The following USP3 variants were observed in gnomAD, a reference collection of about 807,000 sequenced individuals.
USP3 encodes ubiquitin specific peptidase 3, also known as ubiquitin carboxyl-terminal hydrolase 3.
Under a neutral mutation model 72.3 loss-of-function variants are expected in USP3, and 20 were observed. That is an observed-to-expected ratio of 0.28 (90% CI 0.19 to 0.40). USP3 has a LOEUF of 0.40. Among genes scored for constraint, USP3 ranks in the 10% least tolerant of loss-of-function variants. USP3 has a pLI of 1.00. For synonymous variants in USP3, 222 were observed against 225.3 expected, an observed-to-expected ratio of 0.99 and a Z score of 0.13; for missense variants, 479 against 633.9, an observed-to-expected ratio of 0.76 and a Z score of 2.62.
intron 3 of USP3, among the ~76,000 whole-genome samples, chr15:63,547,710 A>G: frequency 7.4e-6 from 1 of 134,750 alleles, no homozygotes; most frequent in African/African-American, 2.8e-5. Context: ...GCAGAGCAAG[A>G]CCCTGTCTCA....
intron 7 of USP3, among the ~76,000 whole-genome samples, chr15:63,561,858 A>G (rs575275799): frequency 6.6e-6 from 1 of 152,364 alleles, no homozygotes; most frequent in East Asian, 1.9e-4. Context: ...TGAGATACCA[A>G]TCAAGTATCC....
chr15:63,585,800 A>ATTTT (rs58350832), intron 11 of USP3, among the ~76,000 whole-genome samples: 20 of 135,702 alleles, frequency 1.5e-4, no homozygotes, highest in Admixed American at 1.0e-3. Flanking sequence ...TGTGTCTAGA[A>ATTTT]TTTTTTTTTT....
chr15:63,565,765 C>A (rs1365680983), intron 8 of USP3, among the ~76,000 whole-genome samples: 1 of 152,138 alleles, frequency 6.6e-6, no homozygotes, highest in Non-Finnish European at 1.5e-5. Flanking sequence ...TAATTTGTGT[C>A]CAAGTCCCCT....
chr15:63,525,389 C>G (rs570824394), intron 1 of USP3, among the ~76,000 whole-genome samples: 1 of 152,178 alleles, frequency 6.6e-6, no homozygotes, highest in African/African-American at 2.4e-5. Flanking sequence ...TTTATGAGAA[C>G]TCTCCTGTTG....
chr15:63,592,396 C>G lies in USP3; in HGVS notation c.*1570C>G, dbSNP rs886520523. On this transcript the variant is annotated 3_prime_UTR_variant, in exon 15 of 15. Transcript: ENST00000380324. ...GGTTGGTAGACATAGCCTACCAATT[C>G]TCCACAAGGGACAAAATGTATCTTG... is the stretch of plus-strand genomic sequence containing the variant. 2 of 146,020 alleles carry G rather than the reference C, an allele frequency of 1.4e-5. No individual in the cohort carries two copies. The highest frequency in any genetic ancestry group is 5.1e-5 in the African/African-American group (2 of 39,482). The allele number at this position is 146,020 out of a possible 1,614,324, so 9.0% of individuals were successfully genotyped here. A position where few individuals can be genotyped will look rare whatever the true frequency, so the allele number is the denominator to read the frequency against.
At chr15:63,540,674 C>T (rs1167421707) in intron 3 of USP3, among the ~76,000 whole-genome samples, 1 of 152,056 alleles carries the variant, frequency 6.6e-6, no homozygotes, top group Non-Finnish European at 1.5e-5. Context: ...TAAACAGGAG[C>T]CCAGAGAGGA....
At chr15:63,530,284 T>TC in intron 1 of USP3, among the ~76,000 whole-genome samples, 1 of 113,454 alleles carries the variant, frequency 8.8e-6, no homozygotes, top group Non-Finnish European at 1.8e-5. Flanking sequence ...CCTCCCTCCC[T>TC]CCTTCCCTCC....
chr15:63,545,384 T>A (rs2066305042), intron 3 of USP3, among the ~76,000 whole-genome samples: 1 of 152,094 alleles, frequency 6.6e-6, no homozygotes, highest in Non-Finnish European at 1.5e-5. Context: ...CTTAAATGAG[T>A]TTAAAACTAC....
At chr15:63,557,655 A>G (rs555074502) in intron 5 of USP3, among the ~76,000 whole-genome samples, 2 of 152,146 alleles carry the variant, frequency 1.3e-5, no homozygotes, top group South Asian at 4.1e-4. Context: ...TTCATATCCC[A>G]TTGTTAGGAA....
chr15:63,582,310 GTT>G (rs2066977733), intron 11 of USP3, among the ~76,000 whole-genome samples: 1 of 152,210 alleles, frequency 6.6e-6, no homozygotes, highest in African/African-American at 2.4e-5. Context: ...TCCAACTAGG[GTT>G]TACTATAATA....
At chr15:63,557,271 T>C (rs2066528259) in intron 5 of USP3, among the ~76,000 whole-genome samples, 1 of 151,498 alleles carries the variant, frequency 6.6e-6, no homozygotes, top group South Asian at 2.1e-4. Context: ...TGTTTTTGTT[T>C]TTTTTTTTTG....
intron 11 of USP3, among the ~76,000 whole-genome samples, chr15:63,575,985 CTTT>C (rs35737078): frequency 5.0e-4 from 60 of 119,730 alleles, no homozygotes; most frequent in Admixed American, 5.1e-4. Context: ...CTGAACAATA[CTTT>C]TTTTTTTTTT....
At chr15:63,510,654 G>C (rs1195156098) in intron 1 of USP3, among the ~76,000 whole-genome samples, 2 of 152,142 alleles carry the variant, frequency 1.3e-5, no homozygotes, top group African/African-American at 4.8e-5. Flanking sequence ...GAAGTACTTT[G>C]ATGGGTTCTC....
At chr15:63,535,660 GGAAAAAATGGAGAAAGAACGT>G (rs1327400529) in intron 2 of USP3, among the ~76,000 whole-genome samples, 3 of 152,064 alleles carry the variant, frequency 2.0e-5, no homozygotes. Flanking sequence ...TAAAGTACAG[GGAAAAAATGGAGAAAGAACGT>G]GATCACATTC....
In USP3 at chr15:63,591,080, C is replaced by T. The variant is rs1477866617; in HGVS notation, c.*254C>T. ...CAATTTTTATAGGTAGTTGTAAGAACTTAGTCTTATTTGACTTTTTTATTT... is the reference window on the plus strand; with the variant it reads ...CAATTTTTATAGGTAGTTGTAAGAATTTAGTCTTATTTGACTTTTTTATTT... On this transcript the variant is annotated 3_prime_UTR_variant, in exon 15 of 15. Transcript: ENST00000380324. The T allele has an allele frequency of 2.7e-6, 1 of 374,164 alleles. No individual in the cohort carries two copies. The highest frequency in any genetic ancestry group is 4.7e-6 in the Non-Finnish European group (1 of 211,766). The allele number at this position is 374,164 out of a possible 1,614,324, so 23.2% of individuals were successfully genotyped here. A position where few individuals can be genotyped will look rare whatever the true frequency, so the allele number is the denominator to read the frequency against.
intron 4 of USP3, among the ~76,000 whole-genome samples, chr15:63,554,009 T>C (rs2066471363): frequency 6.6e-6 from 1 of 152,196 alleles, no homozygotes; most frequent in Non-Finnish European, 1.5e-5. Flanking sequence ...TTAATATTTG[T>C]CATAAACCAT....
At chr15:63,519,422 T>C (rs1021888374) in intron 1 of USP3, among the ~76,000 whole-genome samples, 1 of 152,130 alleles carries the variant, frequency 6.6e-6, no homozygotes, top group Non-Finnish European at 1.5e-5. Flanking sequence ...TCAGTTTGAG[T>C]TTTCAGAGGT....
In USP3 at chr15:63,574,383, G is replaced by T; in HGVS notation, c.1076G>T (p.Gly359Val). The change falls in exon 11 of 15, where the codon GGA (glycine) becomes GTA (valine). Residue 359 changes from glycine to valine, a missense_variant. By Grantham distance (109) the Gly-to-Val change is moderately radical (BLOSUM62 -3). Coordinates refer to ENST00000380324, the MANE Select transcript of USP3 (RefSeq NM_006537.4). The surrounding 1 kb of genome is among the most constrained non-coding windows in gnomAD (Gnocchi z 4.6). ...RSKRSKNQEN[G>V]PVCSLRDCLR... The stretch of plus-strand genomic sequence containing the variant: ...AAGCGCTCTAAGAATCAAGAAAATG[G>T]ACCAGTTTGTTCGTTACGAGGTAAA... The T allele has an allele frequency of 6.2e-7, 1 of 1,604,752 alleles. No homozygotes were observed. Among genetic ancestry groups the T allele is most frequent in the Non-Finnish European group, 8.5e-7 (1 of 1,176,486 alleles).
At position 63,528,149 on chromosome 15, in the gene USP3, C is replaced by G. The variant is rs929432603; in HGVS notation, c.92-4498C>G. 1 of 152,266 alleles carries G rather than the reference C, an allele frequency of 6.6e-6. No homozygotes were observed. Among genetic ancestry groups the G allele is most frequent in the African/African-American group, 2.4e-5 (1 of 41,452 alleles). 9.4% of individuals were successfully genotyped at this position (152,266 alleles called of 1,614,324 possible). A position where few individuals can be genotyped will look rare whatever the true frequency, so the allele number is the denominator to read the frequency against. ...GCAGTGAAAGGAGCCTAGTGAGTAT[C>G]AGCCTCTGGACTGAGAAGTGAGACA... is the stretch of plus-strand genomic sequence containing the variant. On this transcript the variant is annotated intron_variant, in intron 1 of 14. Transcript: ENST00000380324. This position sits in a 1 kb window ranked among gnomAD's most constrained non-coding sequence, Gnocchi z 4.3.
Sources: allele counts gnomAD v4.1 joint callset (sites outside exome capture counted in the v4.1 genomes callset), GRCh38; gene constraint gnomAD v4.1.1; non-coding constraint Gnocchi (gnomAD v3.1); transcripts MANE v1.5; gene names NCBI Gene and HGNC (gene_info 2026-07-23, HGNC 2026-07-21).